LRRC4C: variants seen among roughly 807,000 people sequenced by gnomAD.
LRRC4C encodes the protein leucine-rich repeat-containing protein 4C.
In LRRC4C, 5 loss-of-function variants were observed where a neutral mutation model predicts 33.6. That is an observed-to-expected ratio of 0.15 (90% CI 0.08 to 0.31). The LOEUF (loss-of-function observed/expected upper bound fraction) is 0.31. Among genes scored for constraint, LRRC4C ranks in the 10% least tolerant of loss-of-function variants. The pLI, the probability that LRRC4C is intolerant of heterozygous loss-of-function variation, is 1.00. For missense variants in LRRC4C, 560 were observed against 796.7 expected, an observed-to-expected ratio of 0.70 and a Z score of 3.58; for synonymous variants, 329 against 302.0, an observed-to-expected ratio of 1.09 and a Z score of -0.93.
intron 1 of LRRC4C, among the ~76,000 whole-genome samples, chr11:41,388,648 A>G (rs2137970560): frequency 6.6e-6 from 1 of 151,988 alleles, no homozygotes; most frequent in East Asian, 1.9e-4. Context: ...GGAAAACATC[A>G]AGGAATTACA....
intron 1 of LRRC4C, among the ~76,000 whole-genome samples, chr11:41,046,928 G>A (rs896908777): frequency 3.9e-5 from 6 of 152,054 alleles, no homozygotes; most frequent in African/African-American, 7.2e-5. Context: ...CTGAAGGAAG[G>A]TGTACATCTT....
intron 1 of LRRC4C, among the ~76,000 whole-genome samples, chr11:41,427,750 A>G (rs1023302383): frequency 1.9e-4 from 29 of 152,142 alleles, no homozygotes; most frequent in African/African-American, 6.8e-4. Context: ...GAAGTAACTG[A>G]AGAATCACAA....
chr11:40,694,330 C>T (rs999976513), intron 2 of LRRC4C, among the ~76,000 whole-genome samples: 11 of 152,040 alleles, frequency 7.2e-5, no homozygotes, highest in African/African-American at 1.4e-4. Flanking sequence ...GAATAGAAAT[C>T]GAGGCTGCTT....
chr11:40,968,329 T>A (rs955429327), intron 1 of LRRC4C, among the ~76,000 whole-genome samples: 2 of 152,132 alleles, frequency 1.3e-5, no homozygotes, highest in African/African-American at 4.8e-5. Flanking sequence ...AAGCTATTTC[T>A]GTATCACAAA....
intron 1 of LRRC4C, among the ~76,000 whole-genome samples, chr11:41,053,143 T>G (rs1858368027): frequency 6.6e-6 from 1 of 152,242 alleles, no homozygotes; most frequent in Non-Finnish European, 1.5e-5. Flanking sequence ...TACTCCTGCC[T>G]GTTTGTGTCA....
At chr11:40,811,463 C>T (rs1272257907) in intron 2 of LRRC4C, among the ~76,000 whole-genome samples, 1 of 152,116 alleles carries the variant, frequency 6.6e-6, no homozygotes, top group Non-Finnish European at 1.5e-5. Context: ...CAGAGGGAAG[C>T]TATCAATAAA....
At chr11:40,664,281 A>G (rs529556339) in intron 2 of LRRC4C, among the ~76,000 whole-genome samples, 89 of 152,332 alleles carry the variant, frequency 5.8e-4, no homozygotes, top group Non-Finnish European at 1.2e-3. Flanking sequence ...ATGGTGGCTC[A>G]TGCCTATAAT....
At chr11:40,444,695 T>C (rs1951552025) in intron 3 of LRRC4C, among the ~76,000 whole-genome samples, 1 of 152,204 alleles carries the variant, frequency 6.6e-6, no homozygotes, top group Admixed American at 6.5e-5. Context: ...GCAGTGTTTT[T>C]CTGTTTTGTT....
At chr11:41,305,084 G>C (rs1390439603) in intron 1 of LRRC4C, among the ~76,000 whole-genome samples, 3 of 35,914 alleles carry the variant, frequency 8.4e-5, no homozygotes, top group African/African-American at 1.7e-4. Flanking sequence ...CAGCCGCCCC[G>C]TCCGGGAGGG....
chr11:40,507,127 A>T (rs1955071745), intron 3 of LRRC4C, among the ~76,000 whole-genome samples: 1 of 152,140 alleles, frequency 6.6e-6, no homozygotes, highest in Admixed American at 6.5e-5. Context: ...CATAGGCATA[A>T]CAGAAAAACC....
intron 2 of LRRC4C, among the ~76,000 whole-genome samples, chr11:40,796,246 A>C (rs1950820050): frequency 6.6e-6 from 1 of 152,204 alleles, no homozygotes. Flanking sequence ...GATGGAACAA[A>C]TGTCTCATCT....
At chr11:40,888,088 C>T (rs1334726051) in intron 2 of LRRC4C, among the ~76,000 whole-genome samples, 1 of 151,886 alleles carries the variant, frequency 6.6e-6, no homozygotes, top group Non-Finnish European at 1.5e-5. Context: ...ACATATGTCT[C>T]ATTTCATTTT....
intron 2 of LRRC4C, among the ~76,000 whole-genome samples, chr11:40,917,227 C>T (rs1956999567): frequency 6.6e-6 from 1 of 152,076 alleles, no homozygotes; most frequent in African/African-American, 2.4e-5. Flanking sequence ...TTTTTTCCTT[C>T]TCTCCATAAT....
chr11:40,137,022 A>G (rs963390903), intron 6 of LRRC4C, among the ~76,000 whole-genome samples: 1 of 152,226 alleles, frequency 6.6e-6, no homozygotes, highest in Non-Finnish European at 1.5e-5. Flanking sequence ...TTCTAATAAT[A>G]AGGCAAGTAT....
intron 1 of LRRC4C, among the ~76,000 whole-genome samples, chr11:41,265,251 A>G (rs1452410565): frequency 6.6e-6 from 1 of 152,116 alleles, no homozygotes; most frequent in Non-Finnish European, 1.5e-5. Context: ...GACCTCAAGA[A>G]TGTTATTCTG....
At chr11:40,181,267 A>C (rs1860979294) in intron 5 of LRRC4C, among the ~76,000 whole-genome samples, 1 of 152,098 alleles carries the variant, frequency 6.6e-6, no homozygotes, top group Admixed American at 6.5e-5. Flanking sequence ...GCATAACACC[A>C]CATATATTTG....
chr11:41,241,058 A>C (rs1243949391), intron 1 of LRRC4C, among the ~76,000 whole-genome samples: 1 of 152,184 alleles, frequency 6.6e-6, no homozygotes, highest in East Asian at 1.9e-4. Flanking sequence ...GTAAGTTATT[A>C]ACTTCTGTAT....
chr11:41,193,909 C>T (rs975014993), intron 1 of LRRC4C, among the ~76,000 whole-genome samples: 3 of 151,638 alleles, frequency 2.0e-5, no homozygotes, highest in Non-Finnish European at 4.4e-5. Context: ...AATAATACAG[C>T]CAAAAAGAGA....
intron 1 of LRRC4C, among the ~76,000 whole-genome samples, chr11:41,313,923 T>A (rs1950711562): frequency 6.6e-6 from 1 of 152,186 alleles, no homozygotes; most frequent in African/African-American, 2.4e-5. Context: ...TATCCATTCA[T>A]CTATTCAAAT....
Sources: gnomAD v4.1 joint callset for allele counts (sites outside exome capture counted in the v4.1 genomes callset) on GRCh38, gnomAD v4.1.1 for gene constraint, MANE v1.5 for transcripts, NCBI Gene and HGNC (gene_info 2026-07-23, HGNC 2026-07-21) for gene names.